Variants in CABIN1 observed in about 807,000 individuals in gnomAD.
The protein encoded by CABIN1 is calcineurin-binding protein cabin-1.
A neutral mutation model predicts 227.7 loss-of-function variants in CABIN1; 133 were observed. The observed-to-expected ratio is 0.58, with a 90% confidence interval of 0.51 to 0.67. The LOEUF is 0.67. CABIN1 is among the 30% of genes least tolerant of loss of function. CABIN1 has a pLI of 0.00. For synonymous variants in CABIN1, 1,086 were observed against 1,155.1 expected, an observed-to-expected ratio of 0.94 and a Z score of 1.21; for missense variants, 2,408 against 2,852.5, an observed-to-expected ratio of 0.84 and a Z score of 3.55.
chr22:24,140,113 C>G (rs564623999), intron 29 of CABIN1, among the ~76,000 whole-genome samples: 2 of 152,340 alleles, frequency 1.3e-5, no homozygotes, highest in South Asian at 4.1e-4. Context: ...CTCGGGGGAA[C>G]TCCTTAGGCT....
At chr22:24,137,991 G>A (rs2148275255) in intron 29 of CABIN1, among the ~76,000 whole-genome samples, 1 of 152,178 alleles carries the variant, frequency 6.6e-6, no homozygotes, top group East Asian at 1.9e-4. Flanking sequence ...CTTGAGAGGA[G>A]ATAAAGGGAG....
intron 22 of CABIN1, 151 bp from the exon 23 acceptor site, chr22:24,087,301 A>G: frequency 3.2e-6 from 3 of 944,438 alleles, no homozygotes; most frequent in Non-Finnish European, 4.9e-6. Flanking sequence ...GGTCATGGTC[A>G]TGGCATTAGT....
intron 35 of CABIN1, among the ~76,000 whole-genome samples, chr22:24,176,972 A>C (rs1385652809): frequency 6.6e-6 from 1 of 152,224 alleles, no homozygotes; most frequent in Non-Finnish European, 1.5e-5. Flanking sequence ...CAGCTCGTGC[A>C]GCTCCCTAGA....
intron 29 of CABIN1, among the ~76,000 whole-genome samples, chr22:24,147,441 C>CT (rs541905415): frequency 9.0e-5 from 13 of 145,028 alleles, no homozygotes; most frequent in African/African-American, 2.8e-4. Context: ...CTTTTCTTTT[C>CT]TTTCTTTCTT....
intron 19 of CABIN1, among the ~76,000 whole-genome samples, chr22:24,081,891 G>A (rs2040831425): frequency 1.3e-5 from 2 of 152,182 alleles, no homozygotes; most frequent in Non-Finnish European, 1.5e-5. Context: ...GCTGGGCATG[G>A]TGGCAGGTGC....
At chr22:24,031,396 A>G (rs559872298) in intron 1 of CABIN1, among the ~76,000 whole-genome samples, 2 of 152,332 alleles carry the variant, frequency 1.3e-5, no homozygotes, top group East Asian at 1.9e-4. Context: ...TTTATATACA[A>G]GGACACCAAG....
rs146291845 is a variant in CABIN1, at chr22:24,130,752, C to T, written c.4633-3550C>T. Among the ~76,000 whole-genome samples, 6 of 152,266 alleles carry T rather than the reference C, an allele frequency of 3.9e-5. No individual in the cohort carries two copies. In the East Asian group the frequency reaches 1.2e-3, roughly 29 times the overall value. On this transcript the variant is annotated intron_variant, in intron 28 of 36. Transcript: ENST00000263119. ...CCTCAGGCATGAATCAGCTAAGGGC[C>T]CCCATAAGCTGTCTGGACACTTTGT...
At chr22:24,118,658 C>T (rs887521483) in intron 27 of CABIN1, among the ~76,000 whole-genome samples, 7 of 152,198 alleles carry the variant, frequency 4.6e-5, no homozygotes, top group Non-Finnish European at 5.9e-5. Context: ...CCCACCCTCC[C>T]GGGCCAGATA....
intron 26 of CABIN1, among the ~76,000 whole-genome samples, chr22:24,099,215 A>G (rs1277905759): frequency 6.6e-6 from 1 of 152,214 alleles, no homozygotes; most frequent in Non-Finnish European, 1.5e-5. Flanking sequence ...TAGCATGGGC[A>G]TCTGCCTCCA....
At chr22:24,060,263 G>GT (rs1208562547) in intron 12 of CABIN1, 122 bp downstream of exon 12, 1 of 961,372 alleles carries the variant, frequency 1.0e-6, no homozygotes, top group Non-Finnish European at 1.6e-6. Context: ...CTGGAACCTG[G>GT]TTTTTTTGTG....
At chr22:24,118,302 G>A (rs2043201159) in intron 27 of CABIN1, among the ~76,000 whole-genome samples, 1 of 152,154 alleles carries the variant, frequency 6.6e-6, no homozygotes, top group African/African-American at 2.4e-5. Context: ...GGAACATAGG[G>A]AGTGAATGCT....
intron 24 of CABIN1, among the ~76,000 whole-genome samples, chr22:24,092,185 C>T (rs1341686974): frequency 6.6e-6 from 1 of 152,084 alleles, no homozygotes; most frequent in Non-Finnish European, 1.5e-5. Flanking sequence ...TGTAGCCTGG[C>T]AGGAGGGAGG....
chr22:24,139,310 C>T (rs1266371233), intron 29 of CABIN1, among the ~76,000 whole-genome samples: 4 of 152,158 alleles, frequency 2.6e-5, no homozygotes, highest in Non-Finnish European at 4.4e-5. Context: ...TGCAGTGGCT[C>T]ACGCCTGTAA....
chr22:24,142,981 A>T (rs538175907), intron 29 of CABIN1, among the ~76,000 whole-genome samples: 1 of 152,150 alleles, frequency 6.6e-6, no homozygotes, highest in African/African-American at 2.4e-5. Flanking sequence ...TTCAAGGAGC[A>T]TAATACCTGC....
chr22:24,119,052 G>A (rs760604816), intron 27 of CABIN1, among the ~76,000 whole-genome samples: 1 of 152,242 alleles, frequency 6.6e-6, no homozygotes, highest in Non-Finnish European at 1.5e-5. Context: ...CAGCCCCAGA[G>A]GTGGGACAGC....
intron 5 of CABIN1, 37 bp from the exon 6 acceptor site, chr22:24,042,867 T>TGG: frequency 7.6e-7 from 1 of 1,312,502 alleles, no homozygotes. Context: ...TGTGTGTGTG[T>TGG]GTGTGTGTGT....
At chr22:24,095,062 G>A (rs1437419220) in intron 24 of CABIN1, among the ~76,000 whole-genome samples, 1 of 152,178 alleles carries the variant, frequency 6.6e-6, no homozygotes, top group African/African-American at 2.4e-5. Context: ...CAATTTCTCT[G>A]GGCTCCATAG....
intron 1 of CABIN1, among the ~76,000 whole-genome samples, chr22:24,019,117 GTTGTTTTTTTTTT>G (rs1327346383): frequency 1.0e-4 from 10 of 97,964 alleles, no homozygotes; most frequent in African/African-American, 4.0e-4. Flanking sequence ...TTCACTGAGT[GTTGTTTTTTTTTT>G]TTTTTTTTTT....
At chr22:24,031,622 CG>C (rs2036502573) in intron 1 of CABIN1, among the ~76,000 whole-genome samples, 1 of 152,168 alleles carries the variant, frequency 6.6e-6, no homozygotes, top group African/African-American at 2.4e-5. Flanking sequence ...GCAGTTCAGA[CG>C]GAGGCTATGT....
Sources: gnomAD v4.1 joint callset for allele counts (sites outside exome capture counted in the v4.1 genomes callset) on GRCh38, gnomAD v4.1.1 for gene constraint, MANE v1.5 for transcripts, NCBI Gene and HGNC (gene_info 2026-07-23, HGNC 2026-07-21) for gene names.